RRBP1: variants seen among roughly 807,000 people sequenced by gnomAD.
RRBP1 encodes ribosome binding protein 1, also known as ribosome-binding protein 1.
Under a neutral mutation model 165.2 loss-of-function variants are expected in RRBP1, and 94 were observed. That is an observed-to-expected ratio of 0.57 (90% CI 0.48 to 0.68). RRBP1 has a LOEUF of 0.68. Ranked by LOEUF, RRBP1 falls within the 30% of genes least tolerant of loss-of-function variation. The pLI, the probability that RRBP1 is intolerant of heterozygous loss-of-function variation, is 0.00. For synonymous variants in RRBP1, 680 were observed against 714.5 expected, an observed-to-expected ratio of 0.95 and a Z score of 0.77; for missense variants, 1,676 against 1,763.0, an observed-to-expected ratio of 0.95 and a Z score of 0.88.
chr20:17,643,473 T>C lies in RRBP1; in HGVS notation c.1913-346A>G, dbSNP rs2036405589. ...TCCATAGGCTTTTCTCCCTTCCTTTTTTTTCTCGCAAATGCACTGGTCCTG... is the reference window on the plus strand; with the variant it reads ...TCCATAGGCTTTTCTCCCTTCCTTTCTTTTCTCGCAAATGCACTGGTCCTG... On this transcript the variant is annotated intron_variant, in intron 3 of 24. Transcript: ENST00000377813. The surrounding 1 kb of genome is among the most constrained non-coding windows in gnomAD (Gnocchi z 4.3). Among the ~76,000 whole-genome samples the C allele has an allele frequency of 6.6e-6, 1 of 152,152 alleles. No homozygotes were observed.
chr20:17,632,157 CCTCA>C (rs2036162881), intron 8 of RRBP1, among the ~76,000 whole-genome samples: 1 of 152,206 alleles, frequency 6.6e-6, no homozygotes, highest in Non-Finnish European at 1.5e-5. Flanking sequence ...GCGCCAAAGG[CCTCA>C]CTGTCAATCA....
At chr20:17,616,961 A>T in intron 20 of RRBP1, 122 bp from the exon 21 acceptor site, 1 of 836,972 alleles carries the variant, frequency 1.2e-6, no homozygotes. Context: ...CCTTCAGGGG[A>T]CCTGGCTTGG....
rs146749279 is a variant in RRBP1 at position 17,615,832 on chromosome 20, C to T, written c.3951+94G>A. The T allele has an allele frequency of 6.4e-4, 721 of 1,132,802 alleles. 3 individuals carry two copies. The African/African-American group carries it at 9.7e-3, about 15-fold the overall frequency. 70.2% of individuals were successfully genotyped at this position (1,132,802 alleles called of 1,614,324 possible). A position where few individuals can be genotyped will look rare whatever the true frequency, so the allele number is the denominator to read the frequency against. ...CAGGCCCAGCCCAGGTGCTGCTGGG[C>T]ACAGCCGAGCGGGGCAGGGCTGACC... On this transcript the variant is annotated intron_variant, in intron 22 of 24. Transcript: ENST00000377813.
intron 2 of RRBP1, among the ~76,000 whole-genome samples, chr20:17,678,892 A>G (rs2122522570): frequency 6.6e-6 from 1 of 152,286 alleles, no homozygotes; most frequent in South Asian, 2.1e-4. Context: ...CGGTGAAAAA[A>G]ATGAAATGAA....
At chr20:17,653,782 C>A (rs545398162) in intron 3 of RRBP1, among the ~76,000 whole-genome samples, 4 of 147,946 alleles carry the variant, frequency 2.7e-5, no homozygotes, top group Admixed American at 2.1e-4. Context: ...TGCAGTGAGC[C>A]GAGATCGTGC....
intron 17 of RRBP1, 116 bp downstream of exon 17, chr20:17,620,599 G>A (rs543298561): frequency 1.1e-4 from 90 of 855,982 alleles, no homozygotes; most frequent in Non-Finnish European, 1.6e-4. Context: ...ATAGGGTGTC[G>A]TGGAAAAGCC....
intron 11 of RRBP1, among the ~76,000 whole-genome samples, chr20:17,626,938 A>C (rs1001744244): frequency 2.0e-5 from 3 of 152,214 alleles, no homozygotes. Context: ...TCCAGCAGCA[A>C]GCCTGGGTTC....
At chr20:17,646,973 A>C (rs1236935642) in intron 3 of RRBP1, among the ~76,000 whole-genome samples, 1 of 152,122 alleles carries the variant, frequency 6.6e-6, no homozygotes, top group African/African-American at 2.4e-5. Context: ...GTCCACGGGG[A>C]GGGTATCAGA....
intron 3 of RRBP1, among the ~76,000 whole-genome samples, chr20:17,656,699 T>A (rs1490355631): frequency 6.6e-6 from 1 of 152,238 alleles, no homozygotes; most frequent in Non-Finnish European, 1.5e-5. Flanking sequence ...GTTCAATTAT[T>A]CTTACCTATT....
intron 3 of RRBP1, among the ~76,000 whole-genome samples, chr20:17,654,823 C>A (rs2036620421): frequency 6.6e-6 from 1 of 152,190 alleles, no homozygotes; most frequent in Non-Finnish European, 1.5e-5. Flanking sequence ...CAGAGGCCTG[C>A]GGTGCTGAGC....
At chr20:17,656,538 C>T (rs1324368753) in intron 3 of RRBP1, among the ~76,000 whole-genome samples, 4 of 152,188 alleles carry the variant, frequency 2.6e-5, no homozygotes, top group African/African-American at 4.8e-5. Flanking sequence ...ATCTGCTGAA[C>T]GTTTCCTTCC....
Position 17,654,556 on chromosome 20 carries a change from C to T in RRBP1, c.1912+4040G>A, listed in dbSNP as rs114730905. 3.8e-3 allele frequency among the ~76,000 whole-genome samples: 582 copies of T among 152,306 alleles called. 3 individuals carry two copies. The highest frequency in any genetic ancestry group is 0.013 in the African/African-American group (555 of 41,550). The stretch of plus-strand genomic sequence containing the variant: ...CACGTGTGTGTTTGCTAGTGACTCC[C>T]TTCCATGTTCATAAATGCCTCCTTT... On this transcript the variant is annotated intron_variant, in intron 3 of 24. Coordinates refer to ENST00000377813, the MANE Select transcript of RRBP1 (RefSeq NM_001365613.2).
At chr20:17,620,867 C>A in intron 16 of RRBP1, 60 bp from the exon 17 acceptor site, 1 of 1,247,626 alleles carries the variant, frequency 8.0e-7, no homozygotes, top group Non-Finnish European at 1.1e-6. Flanking sequence ...ACCACACAAC[C>A]GCATCTTCCT....
chr20:17,633,327 A>G, intron 8 of RRBP1, 133 bp downstream of exon 8: 1 of 949,026 alleles, frequency 1.1e-6, no homozygotes, highest in South Asian at 1.6e-5. Context: ...CCCTGCAGAC[A>G]CCATCATCTG....
intron 3 of RRBP1, among the ~76,000 whole-genome samples, chr20:17,657,390 C>CACGAAGGTATT (rs2036663840): frequency 6.6e-6 from 1 of 152,182 alleles, no homozygotes. Context: ...GAGGAAACCC[C>CACGAAGGTATT]ACGAAGGTAA....
At chr20:17,681,749 C>G (rs1369122035) in intron 1 of RRBP1, among the ~76,000 whole-genome samples, 1 of 150,752 alleles carries the variant, frequency 6.6e-6, no homozygotes, top group Non-Finnish European at 1.5e-5. Flanking sequence ...ACGTCGCGCC[C>G]GTCTGCCGCC....
At position 17,629,636 on chromosome 20, in the gene RRBP1, C is replaced by T. The variant is rs374419047; in HGVS notation, c.2749+187G>A. ...GACTGCGCCTATAGGCTGACTGCGC[C>T]CCCCGCCAGCCCCTGACTGGGCATA... On this transcript the variant is annotated intron_variant, in intron 9 of 24. Transcript: ENST00000377813. 3.1e-4 allele frequency among the ~76,000 whole-genome samples: 47 copies of T among 152,162 alleles called. No individual in the cohort carries two copies. The South Asian group carries it at 8.3e-3, about 27-fold the overall frequency.
At chr20:17,639,822 G>A (rs529919177) in intron 5 of RRBP1, among the ~76,000 whole-genome samples, 126 of 151,402 alleles carry the variant, frequency 8.3e-4, no homozygotes, top group South Asian at 1.9e-3. Flanking sequence ...GAACCCGGGA[G>A]GCGGAGGTTG....
At chr20:17,619,870 A>G in intron 18 of RRBP1, 142 bp from the exon 19 acceptor site, 1 of 582,400 alleles carries the variant, frequency 1.7e-6, no homozygotes, top group Non-Finnish European at 3.0e-6. Flanking sequence ...AGCAAACGAG[A>G]AACTAGTCCG....
Sources: allele counts gnomAD v4.1 joint callset (sites outside exome capture counted in the v4.1 genomes callset), GRCh38; gene constraint gnomAD v4.1.1; non-coding constraint Gnocchi (gnomAD v3.1); transcripts MANE v1.5; gene names NCBI Gene and HGNC (gene_info 2026-07-23, HGNC 2026-07-21).